Variants in CFAP54 observed in about 807,000 individuals in gnomAD.
CFAP54 encodes the protein cilia- and flagella-associated protein 54.
CFAP54 carries 290 observed loss-of-function variants against 370.4 expected under a neutral mutation model. The ratio of observed to expected loss-of-function variants is 0.78; its 90% CI spans 0.71 to 0.86. CFAP54 has a LOEUF of 0.86. Ranked by LOEUF, CFAP54 falls within the 40% of genes least tolerant of loss-of-function variation. CFAP54 has a pLI of 0.00. For missense variants in CFAP54, 3,399 were observed against 3,528.7 expected (o/e 0.96, Z 0.93); for synonymous variants, 1,206 against 1,236.5 (o/e 0.98, Z 0.52).
chr12:96,678,160 G>A (rs1282821845), intron 39 of CFAP54, among the ~76,000 whole-genome samples: 3 of 150,384 alleles, frequency 2.0e-5, no homozygotes, highest in East Asian at 1.9e-4. Flanking sequence ...TTTGTAAAGC[G>A]TCAGTGATTT....
intron 32 of CFAP54, among the ~76,000 whole-genome samples, chr12:96,638,455 C>T (rs1956687298): frequency 6.6e-6 from 1 of 150,960 alleles, no homozygotes; most frequent in Non-Finnish European, 1.5e-5. Context: ...CCAGGCTGGT[C>T]TTGAACTCCT....
At chr12:96,677,510 A>G (rs900263992) in intron 39 of CFAP54, among the ~76,000 whole-genome samples, 4 of 152,126 alleles carry the variant, frequency 2.6e-5, no homozygotes, top group South Asian at 4.2e-4. Context: ...GGTGTTGTGG[A>G]TGAGGGTGGG....
chr12:96,494,980 C>T (rs1954933359), intron 1 of CFAP54, among the ~76,000 whole-genome samples: 1 of 152,154 alleles, frequency 6.6e-6, no homozygotes, highest in Non-Finnish European at 1.5e-5. Context: ...CCGCTTTGGC[C>T]TCCCAAAGTA....
chr12:96,769,000 T>A (rs1958429161), intron 60 of CFAP54, among the ~76,000 whole-genome samples: 1 of 152,168 alleles, frequency 6.6e-6, no homozygotes, highest in Non-Finnish European at 1.5e-5. Flanking sequence ...GTATGACATC[T>A]ATAGCACAGT....
intron 25 of CFAP54, 63 bp downstream of exon 25, chr12:96,594,509 T>G: frequency 7.8e-7 from 1 of 1,288,916 alleles, no homozygotes; most frequent in South Asian, 1.9e-5. Flanking sequence ...CAATTCATTT[T>G]AGAAAAGAAA....
intron 26 of CFAP54, among the ~76,000 whole-genome samples, chr12:96,617,883 G>A (rs867581316): frequency 5.9e-5 from 9 of 151,348 alleles, no homozygotes; most frequent in African/African-American, 1.5e-4. Flanking sequence ...CCAGCTACTC[G>A]GGAGGCTGAG....
At chr12:96,504,050 A>T in intron 3 of CFAP54, 21 bp downstream of exon 3, 15 of 1,486,446 alleles carry the variant, frequency 1.0e-5, no homozygotes, top group Non-Finnish European at 1.3e-5. Flanking sequence ...AGAGCAGCTG[A>T]AATAGCTACA....
chr12:96,791,424 A>G (rs1382290986), intron 62 of CFAP54, among the ~76,000 whole-genome samples: 1 of 152,102 alleles, frequency 6.6e-6, no homozygotes, highest in Non-Finnish European at 1.5e-5. Flanking sequence ...ATTGCATTCT[A>G]TACATTTATA....
intron 63 of CFAP54, 93 bp downstream of exon 63, chr12:96,792,592 CA>C: frequency 1.1e-6 from 1 of 927,714 alleles, no homozygotes; most frequent in Non-Finnish European, 1.5e-6. Context: ...ATTCTCTTAT[CA>C]TATAGATGAG....
chr12:96,584,480 A>G (rs1424277744), intron 22 of CFAP54, among the ~76,000 whole-genome samples: 2 of 151,802 alleles, frequency 1.3e-5, no homozygotes, highest in Non-Finnish European at 2.9e-5. Flanking sequence ...AACAACAATA[A>G]CAACAAAAAG....
intron 60 of CFAP54, among the ~76,000 whole-genome samples, chr12:96,777,127 A>G (rs1455017571): frequency 6.6e-6 from 1 of 152,212 alleles, no homozygotes; most frequent in East Asian, 1.9e-4. Flanking sequence ...TTCTTTCAGT[A>G]AAAATGGCAG....
chr12:96,508,006 G>A (rs1955125803), intron 4 of CFAP54, among the ~76,000 whole-genome samples: 1 of 152,200 alleles, frequency 6.6e-6, no homozygotes, highest in South Asian at 2.1e-4. Flanking sequence ...GGACGGAGAA[G>A]GAGCAGCAGT....
chr12:96,560,052 C>A (rs1955799230), intron 17 of CFAP54, among the ~76,000 whole-genome samples: 1 of 152,070 alleles, frequency 6.6e-6, no homozygotes, highest in Non-Finnish European at 1.5e-5. Context: ...TTAACACGTG[C>A]ATACAATGTA....
At chr12:96,632,257 A>C (rs1956617675) in intron 32 of CFAP54, among the ~76,000 whole-genome samples, 1 of 151,938 alleles carries the variant, frequency 6.6e-6, no homozygotes, top group Non-Finnish European at 1.5e-5. Flanking sequence ...TCACATTTTA[A>C]AGTTTTTTAA....
At chr12:96,641,124 A>G (rs557803528) in intron 32 of CFAP54, among the ~76,000 whole-genome samples, 1 of 152,328 alleles carries the variant, frequency 6.6e-6, no homozygotes, top group Non-Finnish European at 1.5e-5. Flanking sequence ...AGAAACTACC[A>G]TCAGAGTGAA....
intron 66 of CFAP54, among the ~76,000 whole-genome samples, chr12:96,854,421 A>G (rs1404789548): frequency 6.6e-6 from 1 of 151,554 alleles, no homozygotes; most frequent in Non-Finnish European, 1.5e-5. Flanking sequence ...GCTGGTTGAA[A>G]TGATAATTGC....
chr12:96,556,515 A>G (rs1304257392), intron 17 of CFAP54, among the ~76,000 whole-genome samples: 1 of 152,162 alleles, frequency 6.6e-6, no homozygotes, highest in Non-Finnish European at 1.5e-5. Context: ...AGTGCATTGA[A>G]ACAACACAAA....
In CFAP54 at chr12:96,740,035, G is replaced by C; in HGVS notation, c.7045G>C (p.Glu2349Gln). 1 of 1,601,090 alleles carries C rather than the reference G, an allele frequency of 6.2e-7. No individual in the cohort carries two copies. Among genetic ancestry groups the C allele is most frequent in the Non-Finnish European group, 8.5e-7 (1 of 1,170,020 alleles). ...FEKKVVQDDT[E>Q]NPVSPGTSVT... ...AAAGAAGGTAGTACAGGATGACACA[G>C]AGAATCCTGTCTCTCCAGGAACTTC... The change falls in exon 51 of 68, where the codon GAG becomes CAG. Residue 2349 changes from glutamate to glutamine, a missense_variant. By Grantham distance (29) the Glu-to-Gln change is conservative. Transcript: ENST00000524981.
At chr12:96,869,299 G>A (rs865960219) in intron 67 of CFAP54, among the ~76,000 whole-genome samples, 6 of 152,032 alleles carry the variant, frequency 3.9e-5, no homozygotes, top group Admixed American at 1.3e-4. Flanking sequence ...GGGTTGTATG[G>A]AAAAAACACA....
Sources: gnomAD v4.1 joint callset for allele counts (sites outside exome capture counted in the v4.1 genomes callset) on GRCh38, gnomAD v4.1.1 for gene constraint, MANE v1.5 for transcripts, NCBI Gene and HGNC (gene_info 2026-07-23, HGNC 2026-07-21) for gene names.